IQCM: variants seen among roughly 807,000 people sequenced by gnomAD.
IQCM encodes IQ motif containing M.
A neutral mutation model predicts 57.6 loss-of-function variants in IQCM; 45 were observed. The ratio of observed to expected loss-of-function variants is 0.78; its 90% CI spans 0.62 to 1.00. The LOEUF is 1.00. IQCM is among the 50% of genes least tolerant of loss of function. IQCM has a pLI of 0.00. For missense variants in IQCM, 468 were observed against 511.6 expected, an observed-to-expected ratio of 0.91 and a Z score of 0.82; for synonymous variants, 148 against 158.9, an observed-to-expected ratio of 0.93 and a Z score of 0.51.
intron 12 of IQCM, among the ~76,000 whole-genome samples, chr4:149,534,891 G>T (rs555956238): frequency 2.0e-5 from 3 of 152,070 alleles, no homozygotes; most frequent in East Asian, 3.9e-4. Flanking sequence ...ATTGGCTTAC[G>T]TTCTGCCAAA....
chr4:149,695,333 T>C (rs955939480), intron 5 of IQCM, among the ~76,000 whole-genome samples: 2 of 152,196 alleles, frequency 1.3e-5, no homozygotes, highest in African/African-American at 4.8e-5. Context: ...AGGAATGAAA[T>C]TAACTACAAA....
chr4:149,724,381 GC>G (rs1467188229), intron 5 of IQCM, among the ~76,000 whole-genome samples: 2 of 151,916 alleles, frequency 1.3e-5, no homozygotes, highest in East Asian at 3.8e-4. Context: ...TCATTTTAAA[GC>G]ATTATTACAA....
At chr4:149,759,760 A>G (rs1176133459) in intron 2 of IQCM, among the ~76,000 whole-genome samples, 1 of 152,158 alleles carries the variant, frequency 6.6e-6, no homozygotes, top group African/African-American at 2.4e-5. Flanking sequence ...AAGCAAAGTA[A>G]TATCAAGAAA....
intron 12 of IQCM, among the ~76,000 whole-genome samples, chr4:149,533,569 C>G (rs1161703968): frequency 6.6e-6 from 1 of 152,076 alleles, no homozygotes; most frequent in Non-Finnish European, 1.5e-5. Context: ...GCTTAATGGA[C>G]TCACAATTCC....
chr4:149,810,904 A>C (rs1198307512), intron 2 of IQCM, among the ~76,000 whole-genome samples: 1 of 152,146 alleles, frequency 6.6e-6, no homozygotes, highest in African/African-American at 2.4e-5. Flanking sequence ...ATGATATTTC[A>C]TTCCTCCTAT....
intron 2 of IQCM, among the ~76,000 whole-genome samples, chr4:149,774,474 C>A (rs1236237164): frequency 6.6e-6 from 1 of 152,134 alleles, no homozygotes; most frequent in Non-Finnish European, 1.5e-5. Context: ...CATATCCCCA[C>A]GTGTGTAGAA....
At chr4:149,358,541 T>C (rs1459714148) in intron 13 of IQCM, among the ~76,000 whole-genome samples, 1 of 152,168 alleles carries the variant, frequency 6.6e-6, no homozygotes, top group Non-Finnish European at 1.5e-5. Flanking sequence ...TCAGTTTCCA[T>C]GTAGTTGAGT....
At chr4:149,672,085 C>T (rs1219386641) in intron 7 of IQCM, among the ~76,000 whole-genome samples, 1 of 152,100 alleles carries the variant, frequency 6.6e-6, no homozygotes, top group Non-Finnish European at 1.5e-5. Context: ...AACTAACAAA[C>T]AGAAAGGACA....
chr4:149,533,369 C>A (rs573392158), intron 12 of IQCM, among the ~76,000 whole-genome samples: 3 of 152,022 alleles, frequency 2.0e-5, no homozygotes, highest in East Asian at 1.9e-4. Context: ...CATTTCCCAA[C>A]AGCAACAGAC....
chr4:149,767,301 T>C (rs2149979055), intron 2 of IQCM, among the ~76,000 whole-genome samples: 1 of 152,188 alleles, frequency 6.6e-6, no homozygotes, highest in Non-Finnish European at 1.5e-5. Context: ...TAAAAGGGTA[T>C]TAAGCTGGGT....
intron 12 of IQCM, among the ~76,000 whole-genome samples, chr4:149,441,998 C>G (rs577942112): frequency 6.6e-6 from 1 of 152,222 alleles, no homozygotes; most frequent in South Asian, 2.1e-4. Context: ...GCACCTTGAT[C>G]TTGGACTTTC....
intron 10 of IQCM, among the ~76,000 whole-genome samples, chr4:149,554,904 TTAGCCA>T (rs1341204498): frequency 6.6e-6 from 1 of 151,606 alleles, no homozygotes; most frequent in East Asian, 2.0e-4. Flanking sequence ...TTTCACCGTG[TTAGCCA>T]GGATGGTCTG....
chr4:149,385,565 G>C (rs923534993), intron 13 of IQCM, among the ~76,000 whole-genome samples: 4 of 152,018 alleles, frequency 2.6e-5, no homozygotes, highest in Admixed American at 6.6e-5. Context: ...CTAAAATACA[G>C]ATCCATCTAT....
At chr4:149,633,951 C>A (rs935372140) in intron 7 of IQCM, among the ~76,000 whole-genome samples, 1 of 152,168 alleles carries the variant, frequency 6.6e-6, no homozygotes, top group Non-Finnish European at 1.5e-5. Flanking sequence ...TGAATCTACT[C>A]TAATTATTAA....
intron 9 of IQCM, among the ~76,000 whole-genome samples, chr4:149,580,818 T>C (rs559109829): frequency 2.0e-5 from 3 of 151,806 alleles, no homozygotes; most frequent in Non-Finnish European, 4.4e-5. Context: ...TATACACAGA[T>C]GGAAGAGAAA....
At chr4:149,756,348 AT>A (rs1221306934) in intron 2 of IQCM, among the ~76,000 whole-genome samples, 7 of 152,244 alleles carry the variant, frequency 4.6e-5, no homozygotes, top group African/African-American at 1.7e-4. Context: ...AGCAATGATA[AT>A]TAACAGAAGA....
chr4:149,441,007 A>C (rs1256779047), intron 12 of IQCM, among the ~76,000 whole-genome samples: 4 of 152,166 alleles, frequency 2.6e-5, no homozygotes, highest in African/African-American at 9.6e-5. Context: ...GCCCTGATTT[A>C]TTTATATGCA....
chr4:149,454,856 A>C (rs557368441), intron 12 of IQCM, among the ~76,000 whole-genome samples: 1 of 152,076 alleles, frequency 6.6e-6, no homozygotes, highest in East Asian at 1.9e-4. Flanking sequence ...ATGGGGGTAA[A>C]TAGTAGCAGG....
chr4:149,727,093 G>A (rs1343385028), intron 5 of IQCM, among the ~76,000 whole-genome samples: 2 of 152,080 alleles, frequency 1.3e-5, no homozygotes, highest in African/African-American at 4.8e-5. Context: ...TCTTTTTACT[G>A]TTTAAAGTGG....
Sources: gnomAD v4.1 joint callset for allele counts (sites outside exome capture counted in the v4.1 genomes callset) on GRCh38, gnomAD v4.1.1 for gene constraint, MANE v1.5 for transcripts, NCBI Gene and HGNC (gene_info 2026-07-23, HGNC 2026-07-21) for gene names.